NPTN: variants seen among roughly 807,000 people sequenced by gnomAD.
The protein encoded by NPTN is neuroplastin.
Under a neutral mutation model 42.7 loss-of-function variants are expected in NPTN, and 5 were observed. The observed-to-expected ratio is 0.12, with a 90% CI of 0.06 to 0.25. The LOEUF (loss-of-function observed/expected upper bound fraction) is 0.25, where lower values mean the gene tolerates loss of function less well. Ranked by LOEUF, NPTN falls within the 10% of genes least tolerant of loss-of-function variation. NPTN has a pLI of 1.00. For synonymous variants in NPTN, 180 were observed against 201.9 expected (o/e 0.89, Z 0.92); for missense variants, 307 against 525.4 (o/e 0.58, Z 4.06).
Position 73,563,264 on chromosome 15 carries a change from G to A in NPTN, c.1115-7C>T. On this transcript the variant is annotated splice_region_variant and splice_polypyrimidine_tract_variant and intron_variant, in intron 6 of 8. Coordinates refer to ENST00000345330, the MANE Select transcript of NPTN (RefSeq NM_012428.4). ...GGTCCAGCTGGTTCATCATCTACATGGTGTTCAGTTTTTTAAAAATCCATG... is the reference window on the plus strand; with the variant it reads ...GGTCCAGCTGGTTCATCATCTACATAGTGTTCAGTTTTTTAAAAATCCATG... The A allele has an allele frequency of 1.9e-6, 3 of 1,611,122 alleles. No homozygotes were observed. The highest frequency in any genetic ancestry group is 2.5e-6 in the Non-Finnish European group (3 of 1,177,572).
chr15:73,593,113 C>G (rs1028188526), intron 2 of NPTN, among the ~76,000 whole-genome samples: 1 of 152,098 alleles, frequency 6.6e-6, no homozygotes, highest in Non-Finnish European at 1.5e-5. Flanking sequence ...CTTAGATAAC[C>G]TGGGATCACT....
Position 73,563,368 on chromosome 15 carries a change from T to A in NPTN, c.1115-111A>T, listed in dbSNP as rs552893643. Reference sequence around the variant, plus strand: ...AATAGCAAACTGCAAGTGGCAATCATGGCTACTCACAGCATTTATTAAAGG... The same window carrying A: ...AATAGCAAACTGCAAGTGGCAATCAAGGCTACTCACAGCATTTATTAAAGG... On this transcript the variant is annotated intron_variant, in intron 6 of 8. Coordinates refer to ENST00000345330, the MANE Select transcript of NPTN (RefSeq NM_012428.4). 9.7e-4 allele frequency: 1,493 copies of A among 1,536,518 alleles called. 1 individual carries two copies. Among genetic ancestry groups the A allele is most frequent in the Non-Finnish European group, 1.2e-3 (1,374 of 1,140,666 alleles).
chr15:73,584,785 G>A (rs1421596809), intron 4 of NPTN, among the ~76,000 whole-genome samples: 6 of 143,440 alleles, frequency 4.2e-5, no homozygotes, highest in South Asian at 2.2e-4. Flanking sequence ...AAAAAAAAAA[G>A]GGAGAGAATT....
At chr15:73,594,553 C>T (rs1293824106) in intron 2 of NPTN, among the ~76,000 whole-genome samples, 1 of 152,188 alleles carries the variant, frequency 6.6e-6, no homozygotes, top group African/African-American at 2.4e-5. Flanking sequence ...AAAAACAGTG[C>T]TACACCAAGT....
chr15:73,605,456 C>T (rs1306736269), intron 1 of NPTN, among the ~76,000 whole-genome samples: 4 of 151,918 alleles, frequency 2.6e-5, no homozygotes, highest in African/African-American at 4.8e-5. Flanking sequence ...AGGTCGGGTG[C>T]GGTGGCTCAT....
chr15:73,590,107 T>C (rs905689891), intron 3 of NPTN, among the ~76,000 whole-genome samples: 1 of 152,006 alleles, frequency 6.6e-6, no homozygotes, highest in African/African-American at 2.4e-5. Flanking sequence ...GCCTATAGGC[T>C]GAAAATCTCC....
At chr15:73,595,611 A>C (rs1896799394) in intron 2 of NPTN, among the ~76,000 whole-genome samples, 2 of 152,208 alleles carry the variant, frequency 1.3e-5, no homozygotes, top group Admixed American at 1.3e-4. Flanking sequence ...TCATCAAAGT[A>C]AGATTTTACT....
At chr15:73,624,042 A>G (rs78724830) in intron 1 of NPTN, among the ~76,000 whole-genome samples, 7,732 of 152,288 alleles carry the variant, frequency 0.051, 210 homozygotes, top group South Asian at 0.093. Context: ...AAGTATTAAT[A>G]GATAATCACA....
At chr15:73,601,405 A>G (rs555726120) in intron 1 of NPTN, among the ~76,000 whole-genome samples, 1 of 152,366 alleles carries the variant, frequency 6.6e-6, no homozygotes, top group South Asian at 2.1e-4. Context: ...ACAATTAGCA[A>G]GGGAAAGTTA....
In NPTN at chr15:73,573,747, C is replaced by A; in HGVS notation, c.755G>T (p.Gly252Val). Residue 252 changes from glycine (G) to valine (V), a missense_variant, in exon 5 of 9, where the codon GGG (glycine) becomes GTG (valine). Gly to Val is a moderately radical substitution (Grantham distance 109). This residue lies in a region of NPTN where 264 missense variants were observed against 491.1 expected (regional missense o/e 0.54). Transcript: ENST00000345330. ...GHKRSENKNE[G>V]QDATMYCKSV... ...CTTGCAATACATAGTGGCATCCTGC[C>A]CTTCATTCTTGTTCTCACTCCGTTT... 1 of 1,597,196 alleles carries A rather than the reference C, an allele frequency of 6.3e-7. No individual in the cohort carries two copies. The highest frequency in any genetic ancestry group is 8.5e-7 in the Non-Finnish European group (1 of 1,172,784).
chr15:73,573,854 GC>G (rs758120347), intron 4 of NPTN, 59 bp from the exon 5 acceptor site: 2 of 1,583,072 alleles, frequency 1.3e-6, no homozygotes, highest in Middle Eastern at 1.7e-4. Context: ...GGATACAAAG[GC>G]CCCACCTTCT....
chr15:73,610,560 A>G (rs953736107), intron 1 of NPTN, among the ~76,000 whole-genome samples: 1 of 152,250 alleles, frequency 6.6e-6, no homozygotes, highest in African/African-American at 2.4e-5. Context: ...ACTTTTAAAA[A>G]GGAAAACAAG....
intron 1 of NPTN, among the ~76,000 whole-genome samples, chr15:73,630,279 C>T (rs1168416838): frequency 6.6e-6 from 1 of 152,170 alleles, no homozygotes; most frequent in Non-Finnish European, 1.5e-5. Flanking sequence ...GAACTCAAAC[C>T]TGAGTCTGTC....
intron 3 of NPTN, among the ~76,000 whole-genome samples, chr15:73,588,963 G>C (rs1253319035): frequency 1.3e-5 from 2 of 152,192 alleles, no homozygotes; most frequent in African/African-American, 4.8e-5. Context: ...GAATTACTGA[G>C]TGAACACAAA....
intron 4 of NPTN, among the ~76,000 whole-genome samples, chr15:73,579,277 C>CA (rs112811114): frequency 2.4e-3 from 282 of 115,804 alleles, no homozygotes; most frequent in South Asian, 4.2e-3. Context: ...GACTCCGTCT[C>CA]AAAAAAAAAA....
chr15:73,569,359 T>C lies in NPTN; in HGVS notation c.1114+791A>G. On this transcript the variant is annotated intron_variant, in intron 6 of 8. Transcript: ENST00000345330. The surrounding 1 kb of genome is among the most constrained non-coding windows in gnomAD (Gnocchi z 4.1). ...TAGGCATATCCAATAACCTAAGATT[T>C]CAGCTCTTGCTCTTTCCAGTGCTCA... is the stretch of plus-strand genomic sequence containing the variant. The C allele has an allele frequency of 1.0e-6, 1 of 985,516 alleles. No homozygotes were observed. Among genetic ancestry groups the C allele is most frequent in the Non-Finnish European group, 1.2e-6 (1 of 829,976 alleles). 61.0% of individuals were successfully genotyped at this position (985,516 alleles called of 1,614,324 possible). A position where few individuals can be genotyped will look rare whatever the true frequency, so the allele number is the denominator to read the frequency against.
intron 3 of NPTN, 143 bp from the exon 4 acceptor site, chr15:73,587,761 T>C (rs761088998): frequency 3.0e-5 from 19 of 627,934 alleles, no homozygotes; most frequent in Non-Finnish European, 5.4e-5. Flanking sequence ...AAGCAAAAAT[T>C]CCTCTCTGTG....
At chr15:73,579,584 T>C (rs1249032659) in intron 4 of NPTN, among the ~76,000 whole-genome samples, 1 of 151,982 alleles carries the variant, frequency 6.6e-6, no homozygotes, top group East Asian at 1.9e-4. Flanking sequence ...GAAAAGTCAC[T>C]ATTCTGAAAG....
At chr15:73,611,589 A>G (rs1013272354) in intron 1 of NPTN, among the ~76,000 whole-genome samples, 30 of 152,328 alleles carry the variant, frequency 2.0e-4, no homozygotes, top group African/African-American at 6.7e-4. Context: ...CCCAGGAGAT[A>G]AGAAGGAAGG....
Sources: gnomAD v4.1 joint callset for allele counts (sites outside exome capture counted in the v4.1 genomes callset) on GRCh38, gnomAD v4.1.1 for gene constraint, gnomAD v4.1.1 regional missense constraint, Gnocchi (gnomAD v3.1) non-coding constraint, MANE v1.5 for transcripts, NCBI Gene and HGNC (gene_info 2026-07-23, HGNC 2026-07-21) for gene names.